The following SMIM36 variants were observed in gnomAD, a reference collection of about 807,000 sequenced individuals.
SMIM36 encodes the protein small integral membrane protein 36.
chr17:55,516,366 C>G (rs1910276856), upstream of SMIM36, among the ~76,000 whole-genome samples: 1 of 152,152 alleles, frequency 6.6e-6, no homozygotes, highest in South Asian at 2.1e-4. Flanking sequence ...CATTCTTGAG[C>G]TCCTTTGTAA....
intron 1 of SMIM36, among the ~76,000 whole-genome samples, chr17:55,504,232 AC>A (rs2144720574): frequency 1.2e-5 from 1 of 82,384 alleles, no homozygotes; most frequent in Non-Finnish European, 2.1e-5. Context: ...GACCTAATAG[AC>A]ATCTACAGAA....
At chr17:55,452,592 A>G (rs1908940218) in intron 4 of SMIM36, among the ~76,000 whole-genome samples, 1 of 152,324 alleles carries the variant, frequency 6.6e-6, no homozygotes, top group East Asian at 1.9e-4. Context: ...CAGCACACAG[A>G]AAGATCCAGC....
chr17:55,508,424 T>A (rs1910117471), intron 1 of SMIM36, among the ~76,000 whole-genome samples: 1 of 118,376 alleles, frequency 8.4e-6, no homozygotes, highest in Non-Finnish European at 1.6e-5. Context: ...ATATATATAT[T>A]CCTAGGAATA....
intron 4 of SMIM36, among the ~76,000 whole-genome samples, chr17:55,453,328 TA>T (rs1908959004): frequency 6.6e-6 from 1 of 151,300 alleles, no homozygotes; most frequent in East Asian, 1.9e-4. Context: ...AATAAATAAA[TA>T]AAAAGTGAAC....
chr17:55,479,160 G>A (rs1053695215), intron 2 of SMIM36, among the ~76,000 whole-genome samples: 7 of 152,210 alleles, frequency 4.6e-5, no homozygotes, highest in African/African-American at 1.7e-4. Flanking sequence ...AAAGTGTCTA[G>A]CTCTTACTCC....
At chr17:55,513,779 G>C (rs1910221671), upstream of SMIM36, among the ~76,000 whole-genome samples, 3 of 152,122 alleles carry the variant, frequency 2.0e-5, no homozygotes, top group Admixed American at 2.0e-4. Flanking sequence ...AAATTAAACT[G>C]AAATATATGC....
chr17:55,500,117 A>AT (rs1353660719), intron 1 of SMIM36, among the ~76,000 whole-genome samples: 1 of 151,458 alleles, frequency 6.6e-6, no homozygotes, highest in Non-Finnish European at 1.5e-5. Flanking sequence ...CTTGCTGGTA[A>AT]TTAAAAAAAA....
chr17:55,473,465 G>A (rs1467860874), intron 3 of SMIM36, among the ~76,000 whole-genome samples: 1 of 152,118 alleles, frequency 6.6e-6, no homozygotes, highest in Admixed American at 6.5e-5. Flanking sequence ...ATAATTCCCT[G>A]ATTTGGCCCC....
intron 3 of SMIM36, among the ~76,000 whole-genome samples, chr17:55,472,860 C>A (rs1333879875): frequency 1.8e-5 from 2 of 113,142 alleles, no homozygotes; most frequent in African/African-American, 7.1e-5. Context: ...GAGCGAGACT[C>A]TGTCTTAAAA....
At chr17:55,454,423 G>A (rs1908980069) in intron 4 of SMIM36, among the ~76,000 whole-genome samples, 1 of 152,124 alleles carries the variant, frequency 6.6e-6, no homozygotes, top group African/African-American at 2.4e-5. Flanking sequence ...AGGGATTACC[G>A]TTAAAAAACT....
At chr17:55,515,084 G>GTTTTTTTTTTTTTTTTTTTTTTTTTTT (rs1567874075), upstream of SMIM36, among the ~76,000 whole-genome samples, 9 of 56,104 alleles carry the variant, frequency 1.6e-4, 4 homozygotes, top group Admixed American at 3.5e-4. Flanking sequence ...TTCTAGTCTA[G>GTTTTTTTTTTTTTTTTTTTTTTTTTTT]TGTTTTTTTT....
At position 55,473,767 on chromosome 17, in the gene SMIM36, C is replaced by T. The variant is rs1023667829; in HGVS notation, c.*347+4995G>A. On this transcript the variant is annotated intron_variant, in intron 3 of 4. Coordinates refer to ENST00000636752, the Ensembl canonical transcript of SMIM36. ...ACTTTTATATGGATGCACTTTCTTG[C>T]TAGGCCCCAACCTTGTTCCAGATAA... Among the ~76,000 whole-genome samples the T allele has an allele frequency of 2.6e-5, 4 of 152,150 alleles. No homozygotes were observed. In the East Asian group the frequency reaches 5.8e-4, roughly 22 times the overall value.
chr17:55,471,606 A>G (rs569109461), intron 3 of SMIM36, among the ~76,000 whole-genome samples: 1 of 152,252 alleles, frequency 6.6e-6, no homozygotes, highest in South Asian at 2.1e-4. Flanking sequence ...CCACTTTACA[A>G]GCTCACAAAG....
chr17:55,469,747 A>AG (rs1282000846), intron 3 of SMIM36, among the ~76,000 whole-genome samples: 10 of 152,316 alleles, frequency 6.6e-5, no homozygotes, highest in Middle Eastern at 3.4e-3. Flanking sequence ...TGGGAGGCCG[A>AG]GGTAGGCGGA....
intron 4 of SMIM36, among the ~76,000 whole-genome samples, chr17:55,462,344 C>CTT (rs1304545548): frequency 6.6e-6 from 1 of 152,146 alleles, no homozygotes; most frequent in Non-Finnish European, 1.5e-5. Flanking sequence ...GGCATGGTGG[C>CTT]TTATGCCTGT....
intron 3 of SMIM36, among the ~76,000 whole-genome samples, chr17:55,471,207 G>T (rs1316686439): frequency 1.3e-5 from 2 of 152,066 alleles, no homozygotes; most frequent in Non-Finnish European, 1.5e-5. Context: ...CTGCCCCAAG[G>T]CTTCAGGGAC....
chr17:55,514,352 T>G (rs542292123), upstream of SMIM36, among the ~76,000 whole-genome samples: 11 of 152,338 alleles, frequency 7.2e-5, no homozygotes, highest in African/African-American at 2.6e-4. Flanking sequence ...CTTCGTTTAT[T>G]ACAAATATGA....
chr17:55,515,084 G>GTTTTTT (rs1567874075), upstream of SMIM36, among the ~76,000 whole-genome samples: 9 of 56,148 alleles, frequency 1.6e-4, 2 homozygotes, highest in Non-Finnish European at 5.7e-4. Context: ...TTCTAGTCTA[G>GTTTTTT]TGTTTTTTTT....
chr17:55,495,627 A>AT (rs1909794368), intron 1 of SMIM36, among the ~76,000 whole-genome samples: 1 of 122,936 alleles, frequency 8.1e-6, no homozygotes, highest in Non-Finnish European at 1.5e-5. Context: ...TGTCTCTATA[A>AT]ATTTTTTTTT....
Sources: gnomAD v4.1 joint callset for allele counts (sites outside exome capture counted in the v4.1 genomes callset) on GRCh38, gnomAD v4.1.1 for gene constraint, MANE v1.5 for transcripts, NCBI Gene and HGNC (gene_info 2026-07-23, HGNC 2026-07-21) for gene names.